The following EIF2A variants were observed in gnomAD, a reference collection of about 807,000 sequenced individuals.
EIF2A encodes eukaryotic translation initiation factor 2A, also known as 65 kDa eukaryotic translation initiation factor 2A.
A neutral mutation model predicts 75.2 loss-of-function variants in EIF2A; 62 were observed. The ratio of observed to expected loss-of-function variants is 0.82; its 90% CI spans 0.67 to 1.02. The LOEUF (loss-of-function observed/expected upper bound fraction) is 1.02, where lower values mean the gene tolerates loss of function less well. Ranked by LOEUF, EIF2A falls within the 50% of genes least tolerant of loss-of-function variation. The pLI is 0.00. For missense variants in EIF2A, 611 were observed against 677.7 expected, an observed-to-expected ratio of 0.90 and a Z score of 1.09; for synonymous variants, 207 against 239.0, an observed-to-expected ratio of 0.87 and a Z score of 1.23.
chr3:150,548,885 T>G (rs1212667977), intron 1 of EIF2A, among the ~76,000 whole-genome samples: 1 of 152,208 alleles, frequency 6.6e-6, no homozygotes, highest in Non-Finnish European at 1.5e-5. Context: ...GGATTATACT[T>G]ATTCAGATTG....
intron 11 of EIF2A, among the ~76,000 whole-genome samples, chr3:150,576,081 C>T (rs991248980): frequency 6.6e-6 from 1 of 151,772 alleles, no homozygotes; most frequent in Non-Finnish European, 1.5e-5. Flanking sequence ...GAGAGAGACT[C>T]CATCTCCAAA....
At chr3:150,565,179 A>G (rs1261535176) in intron 6 of EIF2A, 2 of 456,498 alleles carry the variant, frequency 4.4e-6, no homozygotes, top group African/African-American at 2.0e-5. Context: ...TCTGTCCCCT[A>G]TAAATTGCAA....
Position 150,572,111 on chromosome 3 carries a change from A to G in EIF2A, c.965A>G (p.Tyr322Cys), listed in dbSNP as rs758244130. Residue 322 changes from tyrosine to cysteine, a missense_variant, in exon 10 of 14, where the codon TAT (tyrosine) becomes TGT (cysteine). Transcript: ENST00000460851. Reference sequence around the variant, plus strand: ...ACTGGTCCTCGTAATGCAGCCTACTATAGCCCTCATGGACATATATTAGTA... The same window carrying G: ...ACTGGTCCTCGTAATGCAGCCTACTGTAGCCCTCATGGACATATATTAGTA... ...FGTGPRNAAY[Y>C]SPHGHILVLA... The G allele has an allele frequency of 8.7e-6, 14 of 1,613,992 alleles. No homozygotes were observed. The highest frequency in any genetic ancestry group is 4.5e-5 in the East Asian group (2 of 44,874).
rs1725453696 is a variant in EIF2A at position 150,585,888 on chromosome 3, G to T, written c.*1977G>T. On this transcript the variant is annotated 3_prime_UTR_variant, in exon 14 of 14. Transcript: ENST00000460851. ...GTTCTGTCTCTTTGGGCCATGTGAAGACATGGTGAGAAAGCAGCCAGCTGT... is the reference window on the plus strand; with the variant it reads ...GTTCTGTCTCTTTGGGCCATGTGAATACATGGTGAGAAAGCAGCCAGCTGT... Among the ~76,000 whole-genome samples, 1 of 152,188 alleles carries T rather than the reference G, an allele frequency of 6.6e-6. No individual in the cohort carries two copies. Among genetic ancestry groups the T allele is most frequent in the Non-Finnish European group, 1.5e-5 (1 of 68,032 alleles).
Position 150,584,053 on chromosome 3 carries a change from T to C in EIF2A, c.*142T>C. The C allele has an allele frequency of 1.4e-6, 1 of 702,016 alleles. No individual in the cohort carries two copies. Among genetic ancestry groups the C allele is most frequent in the Non-Finnish European group, 2.3e-6 (1 of 442,856 alleles). 43.5% of individuals were successfully genotyped at this position (702,016 alleles called of 1,614,324 possible). A position where few individuals can be genotyped will look rare whatever the true frequency, so the allele number is the denominator to read the frequency against. On this transcript the variant is annotated 3_prime_UTR_variant, in exon 14 of 14. Coordinates refer to ENST00000460851, the MANE Select transcript of EIF2A (RefSeq NM_032025.5). ...ACCATTTATCCAAGATTCTACTAAG[T>C]GTAAAATTATTTAATAATGTCTATT...
intron 1 of EIF2A, among the ~76,000 whole-genome samples, chr3:150,549,123 A>AT (rs11438548): frequency 0.34 from 51,150 of 149,632 alleles, 8,908 homozygotes; most frequent in East Asian, 0.49. Flanking sequence ...TGAAAAAGGG[A>AT]TTTTTTTTTT....
At chr3:150,569,292 A>G (rs1267528753) in intron 9 of EIF2A, among the ~76,000 whole-genome samples, 1 of 152,246 alleles carries the variant, frequency 6.6e-6, no homozygotes, top group Non-Finnish European at 1.5e-5. Context: ...ACAAATATAT[A>G]GGGCCAATGA....
chr3:150,578,752 T>G (rs968988036), intron 11 of EIF2A, among the ~76,000 whole-genome samples: 3 of 152,186 alleles, frequency 2.0e-5, no homozygotes, highest in African/African-American at 7.2e-5. Context: ...TGGCTGAAGT[T>G]AGTAAAAGTT....
chr3:150,553,508 A>G (rs975124585), intron 2 of EIF2A, among the ~76,000 whole-genome samples: 1 of 151,964 alleles, frequency 6.6e-6, no homozygotes, highest in African/African-American at 2.4e-5. Context: ...CCCCAGGTTC[A>G]AGCGATTCTC....
intron 2 of EIF2A, among the ~76,000 whole-genome samples, chr3:150,556,766 T>C (rs982182567): frequency 6.6e-6 from 1 of 152,196 alleles, no homozygotes; most frequent in African/African-American, 2.4e-5. Context: ...ATTTCCCAAT[T>C]GCCAAGACCA....
intron 3 of EIF2A, among the ~76,000 whole-genome samples, chr3:150,559,577 G>A (rs889183686): frequency 2.3e-5 from 3 of 132,128 alleles, no homozygotes; most frequent in Admixed American, 9.0e-5. Flanking sequence ...AGCAACCTCC[G>A]CCTCCCAGGT....
At chr3:150,577,098 C>T (rs1015747134) in intron 11 of EIF2A, among the ~76,000 whole-genome samples, 2 of 152,130 alleles carry the variant, frequency 1.3e-5, no homozygotes, top group Non-Finnish European at 2.9e-5. Context: ...GGTGAGAACC[C>T]GTTCATCATA....
At chr3:150,568,546 TGTA>T (rs1441311057) in intron 9 of EIF2A, among the ~76,000 whole-genome samples, 1 of 152,198 alleles carries the variant, frequency 6.6e-6, no homozygotes, top group Non-Finnish European at 1.5e-5. Context: ...GTAATTCCAT[TGTA>T]GTAGCTCTTT....
chr3:150,564,393 T>C lies in EIF2A; in HGVS notation c.475+12T>C, dbSNP rs1311908183. 8 of 1,568,866 alleles carry C rather than the reference T, an allele frequency of 5.1e-6. No homozygotes were observed. Among genetic ancestry groups the C allele is most frequent in the Admixed American group, 1.9e-5 (1 of 51,534 alleles). On this transcript the variant is annotated intron_variant, in intron 6 of 13. Transcript: ENST00000460851. ...AAACAACAATTTTAGTATGGAAAGA[T>C]TTATGACATAATTTTATTACTTACT...
chr3:150,561,884 G>C (rs1248923726), intron 3 of EIF2A, among the ~76,000 whole-genome samples: 1 of 150,458 alleles, frequency 6.6e-6, no homozygotes, highest in African/African-American at 2.4e-5. Flanking sequence ...TCTGCCTCCC[G>C]AGTAGCTGGG....
intron 5 of EIF2A, 47 bp downstream of exon 5, chr3:150,563,661 T>C (rs898405004): frequency 7.9e-7 from 1 of 1,268,356 alleles, no homozygotes; most frequent in African/African-American, 1.5e-5. Context: ...GTATTTTTAA[T>C]GTCATCACTG....
At chr3:150,553,565 T>C (rs1303709360) in intron 2 of EIF2A, among the ~76,000 whole-genome samples, 11 of 152,182 alleles carry the variant, frequency 7.2e-5, no homozygotes, top group East Asian at 1.9e-4. Context: ...CCTGCCACCA[T>C]GCCTGGCTAA....
intron 1 of EIF2A, among the ~76,000 whole-genome samples, chr3:150,551,791 A>G (rs1329626091): frequency 1.3e-5 from 2 of 152,192 alleles, no homozygotes; most frequent in East Asian, 3.8e-4. Flanking sequence ...TGATTATTTA[A>G]TCTTGAACTT....
At chr3:150,562,845 A>C (rs185766800) in intron 4 of EIF2A, 185 bp downstream of exon 4, 351 of 476,730 alleles carry the variant, frequency 7.4e-4, no homozygotes, top group Middle Eastern at 4.8e-3. Flanking sequence ...TATTGAAAGT[A>C]ATTTCAAGGT....
Sources: gnomAD v4.1 joint callset for allele counts (sites outside exome capture counted in the v4.1 genomes callset) on GRCh38, gnomAD v4.1.1 for gene constraint, MANE v1.5 for transcripts, NCBI Gene and HGNC (gene_info 2026-07-23, HGNC 2026-07-21) for gene names.